Variants in MAK observed in about 807,000 individuals in gnomAD.
MAK encodes male germ cell associated kinase.
MAK carries 65 observed loss-of-function variants against 82.6 expected under a neutral mutation model. The ratio of observed to expected loss-of-function variants is 0.79; its 90% CI spans 0.64 to 0.97. The LOEUF (loss-of-function observed/expected upper bound fraction) is 0.97. Ranked by LOEUF, MAK falls within the 50% of genes least tolerant of loss-of-function variation. The pLI is 0.00. For missense variants in MAK, 703 were observed against 780.2 expected (o/e 0.90, Z 1.18); for synonymous variants, 250 against 274.2 (o/e 0.91, Z 0.87).
intron 10 of MAK, among the ~76,000 whole-genome samples, chr6:10,785,671 C>T (rs1407853420): frequency 1.3e-5 from 2 of 152,218 alleles, no homozygotes; most frequent in African/African-American, 4.8e-5. Flanking sequence ...GAAATTCTAC[C>T]CATTCCCAAA....
intron 11 of MAK, among the ~76,000 whole-genome samples, chr6:10,777,233 C>A (rs1216641549): frequency 6.6e-6 from 1 of 151,760 alleles, no homozygotes; most frequent in Non-Finnish European, 1.5e-5. Flanking sequence ...ATGGTGAGAC[C>A]CTGTCTCTAC....
intron 11 of MAK, among the ~76,000 whole-genome samples, chr6:10,777,392 C>T (rs956555070): frequency 1.4e-5 from 2 of 140,266 alleles, no homozygotes; most frequent in Non-Finnish European, 3.0e-5. Context: ...GCCTGGTCTA[C>T]AGAGCAAGAC....
At chr6:10,790,632 T>C (rs1449043164) in intron 10 of MAK, among the ~76,000 whole-genome samples, 1 of 152,204 alleles carries the variant, frequency 6.6e-6, no homozygotes, top group African/African-American at 2.4e-5. Flanking sequence ...GAAGAAGCTG[T>C]TAACTTGGCA....
intron 2 of MAK, among the ~76,000 whole-genome samples, chr6:10,820,355 G>A (rs1777847030): frequency 6.6e-6 from 1 of 152,092 alleles, no homozygotes; most frequent in Non-Finnish European, 1.5e-5. Flanking sequence ...GTGAGGAAAT[G>A]AGTAAAAATT....
At chr6:10,764,672 A>G in intron 14 of MAK, 66 bp from the exon 15 acceptor site, 1 of 1,368,530 alleles carries the variant, frequency 7.3e-7, no homozygotes, top group Middle Eastern at 1.8e-4. Context: ...AAATAAAGAA[A>G]TTCATCCTCT....
intron 2 of MAK, among the ~76,000 whole-genome samples, chr6:10,828,783 G>C (rs1778562853): frequency 6.6e-6 from 1 of 151,900 alleles, no homozygotes; most frequent in South Asian, 2.1e-4. Context: ...CGACAGAATG[G>C]AACCCTGTCT....
intron 6 of MAK, among the ~76,000 whole-genome samples, chr6:10,807,561 G>A (rs1366184328): frequency 1.3e-5 from 2 of 151,324 alleles, no homozygotes; most frequent in Non-Finnish European, 2.9e-5. Context: ...GGCTGGTCTC[G>A]AACTCCTGGT....
Position 10,764,505 on chromosome 6 carries a change from G to C in MAK, c.1894C>G (p.Pro632Ala), listed in dbSNP as rs1244785387. 2 of 1,613,696 alleles carry C rather than the reference G, an allele frequency of 1.2e-6. No homozygotes were observed. Among genetic ancestry groups the C allele is most frequent in the Non-Finnish European group, 1.7e-6 (2 of 1,179,738 alleles). Residue 632 changes from proline (P) to alanine (A), a missense_variant, in exon 15 of 15, where the codon CCC (proline) becomes GCC (alanine). Transcript: ENST00000354489. ...LNIVNRAQPI[P>A]SVHGRTDWVA... ...CAGTCTGTCCTCCCATGCACTGAGGGAATGGGCTGTGCACGGTTCACAATA... is the reference window on the plus strand; with the variant it reads ...CAGTCTGTCCTCCCATGCACTGAGGCAATGGGCTGTGCACGGTTCACAATA...
intron 12 of MAK, among the ~76,000 whole-genome samples, chr6:10,774,112 T>G (rs1224356022): frequency 6.6e-6 from 1 of 152,162 alleles, no homozygotes; most frequent in Non-Finnish European, 1.5e-5. Flanking sequence ...AATTATATCT[T>G]TATTTATACC....
chr6:10,802,292 C>T, intron 7 of MAK: 1 of 485,846 alleles, frequency 2.1e-6, no homozygotes, highest in South Asian at 2.8e-5. Flanking sequence ...ACTTTTATAG[C>T]TTTTTTTTGT....
chr6:10,779,123 G>A (rs1468930225), intron 11 of MAK, among the ~76,000 whole-genome samples: 2 of 96,216 alleles, frequency 2.1e-5, no homozygotes, highest in East Asian at 3.2e-4. Flanking sequence ...GCAACACTTC[G>A]TCTCAAAAAA....
chr6:10,801,669 C>T (rs1382073015), intron 8 of MAK, among the ~76,000 whole-genome samples: 2 of 152,142 alleles, frequency 1.3e-5, no homozygotes, highest in Non-Finnish European at 2.9e-5. Context: ...TCATTTGAAC[C>T]ACAAAACTCA....
At chr6:10,773,545 T>A (rs1206338656) in intron 12 of MAK, among the ~76,000 whole-genome samples, 2 of 152,174 alleles carry the variant, frequency 1.3e-5, no homozygotes, top group Non-Finnish European at 2.9e-5. Context: ...TGATCCAATA[T>A]CACCTACATT....
chr6:10,814,031 G>A (rs554497441), intron 4 of MAK, among the ~76,000 whole-genome samples: 12 of 151,848 alleles, frequency 7.9e-5, no homozygotes, highest in Admixed American at 6.6e-4. Flanking sequence ...GTGCAGTGGC[G>A]CAATCTCGGC....
chr6:10,807,193 C>G (rs1229061677), intron 6 of MAK, among the ~76,000 whole-genome samples: 1 of 152,020 alleles, frequency 6.6e-6, no homozygotes, highest in Non-Finnish European at 1.5e-5. Context: ...ATCCTGCTGG[C>G]CCTGGCATCT....
At chr6:10,775,237 T>G in intron 12 of MAK, 91 bp downstream of exon 12, 1 of 1,447,870 alleles carries the variant, frequency 6.9e-7, no homozygotes, top group Non-Finnish European at 9.6e-7. Flanking sequence ...AGTGCACATG[T>G]ATCTTGGTTG....
intron 2 of MAK, among the ~76,000 whole-genome samples, chr6:10,826,114 C>G (rs1778346900): frequency 6.6e-6 from 1 of 152,174 alleles, no homozygotes; most frequent in Admixed American, 6.6e-5. Context: ...TCCTCTGCCC[C>G]ACTCGTAATC....
At chr6:10,782,111 G>A (rs1005948232) in intron 11 of MAK, among the ~76,000 whole-genome samples, 2 of 151,778 alleles carry the variant, frequency 1.3e-5, no homozygotes, top group Admixed American at 1.3e-4. Flanking sequence ...GGAGGCTGAG[G>A]CAGGAGAATC....
chr6:10,796,218 T>C lies in MAK; in HGVS notation c.923A>G (p.Gln308Arg). The C allele has an allele frequency of 6.2e-7, 1 of 1,614,194 alleles. No homozygotes were observed. Among genetic ancestry groups the C allele is most frequent in the Non-Finnish European group, 8.5e-7 (1 of 1,180,024 alleles). ...ESKQSLNKQL[Q>R]PLESKPSLVE... ...TAAAGATGGCTTTGATTCTAATGGT[T>C]GCAGCTGCTTATTTAAAGACTGTTT... Residue 308 changes from glutamine to arginine, a missense_variant, in exon 9 of 15, where the codon CAA becomes CGA. Transcript: ENST00000354489.
Sources: allele counts gnomAD v4.1 joint callset (sites outside exome capture counted in the v4.1 genomes callset), GRCh38; gene constraint gnomAD v4.1.1; transcripts MANE v1.5; gene names NCBI Gene and HGNC (gene_info 2026-07-23, HGNC 2026-07-21).